Variants in STT3B observed in about 807,000 individuals in gnomAD.
STT3B encodes the protein dolichyl-diphosphooligosaccharide--protein glycosyltransferase subunit STT3B.
Under a neutral mutation model 96.8 loss-of-function variants are expected in STT3B, and 29 were observed. The observed-to-expected ratio is 0.30, with a 90% CI of 0.22 to 0.41. The LOEUF is 0.41. STT3B is among the 10% of genes least tolerant of loss of function. STT3B has a pLI of 1.00. For missense variants in STT3B, 640 were observed against 1,022.3 expected (o/e 0.63, Z 5.10); for synonymous variants, 367 against 360.0 (o/e 1.02, Z -0.22).
chr3:31,630,941 C>T (rs955189280), intron 14 of STT3B, among the ~76,000 whole-genome samples: 3 of 151,980 alleles, frequency 2.0e-5, no homozygotes, highest in Non-Finnish European at 2.9e-5. Flanking sequence ...AGACTGCAGG[C>T]GGCTGCCACC....
intron 3 of STT3B, 122 bp downstream of exon 3, chr3:31,580,218 T>C (rs1698352269): frequency 1.1e-6 from 1 of 900,578 alleles, no homozygotes; most frequent in Non-Finnish European, 1.7e-6. Flanking sequence ...TCTGTATTAC[T>C]GTTCATAATC....
At chr3:31,626,834 G>C (rs957180356) in intron 13 of STT3B, among the ~76,000 whole-genome samples, 4 of 152,160 alleles carry the variant, frequency 2.6e-5, no homozygotes, top group African/African-American at 7.2e-5. Context: ...TAAAACATTA[G>C]TATAAAGTGT....
Position 31,629,401 on chromosome 3 carries a change from G to T in STT3B, c.2177G>T (p.Gly726Val). Residue 726 changes from glycine to valine, a missense_variant, in exon 14 of 16, where the codon GGA (glycine) becomes GTA (valine). Physicochemically the swap from Gly to Val is moderately radical, Grantham distance 109. Coordinates refer to ENST00000295770, the MANE Select transcript of STT3B (RefSeq NM_178862.3). ...TATAAAATGTCATACTACAGATTTG[G>T]AGAAATGCAGGTTAGTTAAATCCAT... ...LMYKMSYYRF[G>V]EMQLDFRTPP... The T allele has an allele frequency of 6.4e-7, 1 of 1,567,658 alleles. No individual in the cohort carries two copies. The highest frequency in any genetic ancestry group is 1.1e-5 in the South Asian group (1 of 87,192).
rs181858367 is a variant in STT3B, at chr3:31,580,721, A to G, written c.711+625A>G. 3.2e-4 allele frequency among the ~76,000 whole-genome samples: 48 copies of G among 152,238 alleles called. No homozygotes were observed. In the East Asian group the frequency reaches 9.3e-3, roughly 29 times the overall value. On this transcript the variant is annotated intron_variant, in intron 3 of 15. Coordinates refer to ENST00000295770, the MANE Select transcript of STT3B (RefSeq NM_178862.3). ...TAATTATTTTATATTGTTCAAAACT[A>G]CTTGGCTAATGAGTATTTTTGCTCT...
chr3:31,582,756 T>A (rs1013344322), intron 3 of STT3B, among the ~76,000 whole-genome samples: 1 of 152,192 alleles, frequency 6.6e-6, no homozygotes, highest in Non-Finnish European at 1.5e-5. Context: ...GGTTTTGTTT[T>A]CATTCATCTC....
chr3:31,590,926 C>G (rs1361773366), intron 3 of STT3B, among the ~76,000 whole-genome samples: 1 of 152,032 alleles, frequency 6.6e-6, no homozygotes, highest in Non-Finnish European at 1.5e-5. Flanking sequence ...GGACAGTGAT[C>G]CACATATGCT....
intron 15 of STT3B, among the ~76,000 whole-genome samples, chr3:31,635,590 T>A (rs191884013): frequency 6.6e-6 from 1 of 152,140 alleles, no homozygotes; most frequent in African/African-American, 2.4e-5. Flanking sequence ...AGTTAACGTG[T>A]TTTTCTGGCA....
chr3:31,571,917 A>C (rs1698148621), intron 1 of STT3B, among the ~76,000 whole-genome samples: 1 of 121,038 alleles, frequency 8.3e-6, no homozygotes. Context: ...TTCCTTTTTG[A>C]GATTATATAT....
chr3:31,571,966 A>G (rs1201097970), intron 1 of STT3B, among the ~76,000 whole-genome samples: 1 of 140,672 alleles, frequency 7.1e-6, no homozygotes, highest in Non-Finnish European at 1.5e-5. Flanking sequence ...ATATTAAAAT[A>G]TTAAATATAT....
intron 4 of STT3B, among the ~76,000 whole-genome samples, chr3:31,597,484 T>A (rs1559380140): frequency 6.6e-6 from 1 of 151,924 alleles, no homozygotes; most frequent in Non-Finnish European, 1.5e-5. Context: ...AGAGATAGTG[T>A]CTTTCTCTGT....
intron 3 of STT3B, among the ~76,000 whole-genome samples, chr3:31,592,846 A>G (rs771637840): frequency 6.6e-6 from 1 of 152,174 alleles, no homozygotes; most frequent in Non-Finnish European, 1.5e-5. Flanking sequence ...AAGTGGGGAA[A>G]AGCAGAAAAA....
At chr3:31,535,768 A>G (rs1447888017) in intron 1 of STT3B, among the ~76,000 whole-genome samples, 1 of 152,152 alleles carries the variant, frequency 6.6e-6, no homozygotes, top group Non-Finnish European at 1.5e-5. Flanking sequence ...ATATATGAAA[A>G]CGCATTTCTG....
At chr3:31,587,600 A>T (rs1698571369) in intron 3 of STT3B, among the ~76,000 whole-genome samples, 1 of 151,912 alleles carries the variant, frequency 6.6e-6, no homozygotes, top group Admixed American at 6.6e-5. Context: ...TAAATACTTT[A>T]TTTTTTTATT....
intron 5 of STT3B, among the ~76,000 whole-genome samples, chr3:31,609,794 C>T (rs772499530): frequency 2.6e-5 from 4 of 151,916 alleles, no homozygotes; most frequent in Non-Finnish European, 4.4e-5. Flanking sequence ...GGGGTTTCAC[C>T]GTGTTGGGCA....
chr3:31,583,359 T>A (rs1698456252), intron 3 of STT3B, among the ~76,000 whole-genome samples: 1 of 152,038 alleles, frequency 6.6e-6, no homozygotes, highest in Non-Finnish European at 1.5e-5. Flanking sequence ...TTTGTAGAGA[T>A]GAGGTTTCAC....
chr3:31,624,670 C>CTTTTTTT (rs35298613), intron 11 of STT3B, among the ~76,000 whole-genome samples: 2 of 131,592 alleles, frequency 1.5e-5, no homozygotes, highest in Non-Finnish European at 3.2e-5. Context: ...TCAGAATCGG[C>CTTTTTTT]TTTTTTTTTT....
At chr3:31,598,934 C>T (rs926922396) in intron 4 of STT3B, among the ~76,000 whole-genome samples, 6 of 151,968 alleles carry the variant, frequency 3.9e-5, no homozygotes, top group East Asian at 3.9e-4. Context: ...CTCAGCCTCC[C>T]GAGTAGCTGG....
chr3:31,571,308 G>A (rs888000040), intron 1 of STT3B, among the ~76,000 whole-genome samples: 6 of 150,896 alleles, frequency 4.0e-5, no homozygotes, highest in African/African-American at 1.2e-4. Context: ...GGAAGAGGAG[G>A]TGTAAAAAAG....
chr3:31,601,012 G>T (rs1698915180), intron 5 of STT3B, among the ~76,000 whole-genome samples: 1 of 152,114 alleles, frequency 6.6e-6, no homozygotes, highest in South Asian at 2.1e-4. Context: ...GAAGGAACTA[G>T]AGAGCAATTG....
Sources: allele counts gnomAD v4.1 joint callset (sites outside exome capture counted in the v4.1 genomes callset), GRCh38; gene constraint gnomAD v4.1.1; transcripts MANE v1.5; gene names NCBI Gene and HGNC (gene_info 2026-07-23, HGNC 2026-07-21).